Variants in SASH1 observed in about 807,000 individuals in gnomAD.
The protein encoded by SASH1 is SAM and SH3 domain containing 1, also known as SAM and SH3 domain-containing protein 1.
A neutral mutation model predicts 125.2 loss-of-function variants in SASH1; 44 were observed. That is an observed-to-expected ratio of 0.35 (90% CI 0.28 to 0.45). SASH1 has a LOEUF of 0.45. SASH1 is among the 20% of genes least tolerant of loss of function. SASH1 has a pLI of 1.00. For missense variants in SASH1, 1,426 were observed against 1,614.5 expected, an observed-to-expected ratio of 0.88 and a Z score of 2.00; for synonymous variants, 639 against 649.1, an observed-to-expected ratio of 0.98 and a Z score of 0.24.
At chr6:148,249,568 G>A in the SASH1 span, among the ~76,000 whole-genome samples, 1 of 152,162 alleles carries the variant, frequency 6.6e-6, no homozygotes, top group Non-Finnish European at 1.5e-5. Flanking sequence ...CCAGCCATTT[G>A]ACCTTGACCG....
intron 1 of SASH1, among the ~76,000 whole-genome samples, chr6:148,351,225 C>T (rs1027557020): frequency 5.0e-5 from 6 of 121,120 alleles, no homozygotes; most frequent in East Asian, 2.6e-4. Context: ...CTGAAAGGCT[C>T]TTCTATGGCT....
At chr6:148,219,609 A>G in the SASH1 span, among the ~76,000 whole-genome samples, 1 of 152,048 alleles carries the variant, frequency 6.6e-6, no homozygotes, top group Non-Finnish European at 1.5e-5. Context: ...CTGGCTCCAC[A>G]CTTAAGGGGA....
intron 16 of SASH1, among the ~76,000 whole-genome samples, chr6:148,539,884 G>T (rs1198422673): frequency 2.0e-5 from 3 of 152,126 alleles, no homozygotes; most frequent in African/African-American, 7.2e-5. Context: ...GCTAATACAA[G>T]AGCCCTCAGC....
chr6:148,421,087 A>AAAAAG (rs1186104166), intron 2 of SASH1, among the ~76,000 whole-genome samples: 11 of 150,180 alleles, frequency 7.3e-5, no homozygotes, highest in East Asian at 5.9e-4. Flanking sequence ...CTGTCTCCAA[A>AAAAAG]AAAAGAAAAG....
intron 2 of SASH1, among the ~76,000 whole-genome samples, chr6:148,407,199 C>G (rs976642085): frequency 3.9e-5 from 6 of 152,194 alleles, no homozygotes. Flanking sequence ...TTCCGTCCTG[C>G]AAAGCTGAAA....
At chr6:148,492,221 A>G (rs1442420815) in intron 8 of SASH1, among the ~76,000 whole-genome samples, 7 of 152,248 alleles carry the variant, frequency 4.6e-5, no homozygotes, top group African/African-American at 9.6e-5. Context: ...GAAAAAGTTA[A>G]TATAAGTATT....
intron 1 of SASH1, among the ~76,000 whole-genome samples, chr6:148,296,136 G>GTTT (rs927464242): frequency 1.3e-5 from 2 of 151,726 alleles, no homozygotes; most frequent in African/African-American, 4.8e-5. Context: ...TTTTGTTGTT[G>GTTT]TTGTTTTGAG....
intron 4 of SASH1, among the ~76,000 whole-genome samples, chr6:148,453,452 A>T (rs1287123082): frequency 6.6e-6 from 1 of 152,186 alleles, no homozygotes; most frequent in African/African-American, 2.4e-5. Context: ...TATAATGCAG[A>T]TGGTATTCTA....
chr6:148,349,930 C>T (rs1781663287), intron 1 of SASH1, among the ~76,000 whole-genome samples: 1 of 151,536 alleles, frequency 6.6e-6, no homozygotes, highest in South Asian at 2.1e-4. Context: ...GCTGCAAGCT[C>T]CTCCTCCCGG....
Position 148,317,384 on chromosome 6 carries a change from G to A in SASH1, n.74+45007G>A, listed in dbSNP as rs72563830. 0.022 allele frequency among the ~76,000 whole-genome samples: 3,373 copies of A among 152,228 alleles called. 284 individuals carry two copies. In the East Asian group the frequency reaches 0.25, roughly 11 times the overall value. ...CAAAAGAAGTGGTTCCTGAATATTT[G>A]TTATTATTTAGGAGGTTTGAGAAAA... On this transcript the variant is annotated intron_variant and non_coding_transcript_variant, in intron 1 of 3. Coordinates refer to the SASH1 transcript ENST00000367469.
At position 148,537,776 on chromosome 6, in the gene SASH1, C is replaced by CTCTGTG. The variant is rs1179993512; in HGVS notation, c.2096-2666_2096-2665insCTGTGT. 4.0e-5 allele frequency among the ~76,000 whole-genome samples: 5 copies of CTCTGTG among 125,690 alleles called. No individual in the cohort carries two copies. In the South Asian group the frequency reaches 1.6e-3, roughly 41 times the overall value. The allele number at this position is 125,690 out of a possible 152,430, so 82.5% of individuals were successfully genotyped here. On this transcript the variant is annotated intron_variant, in intron 16 of 19. Coordinates refer to ENST00000367467, the MANE Select transcript of SASH1 (RefSeq NM_015278.5). ...ATATTCATAGGTGTCTTAGCATATT[C>CTCTGTG]TGTGTGTGTGTGTGTGTGTGTGTGT...
At chr6:148,300,639 T>C (rs1779914878) in intron 1 of SASH1, among the ~76,000 whole-genome samples, 2 of 151,918 alleles carry the variant, frequency 1.3e-5, no homozygotes, top group Non-Finnish European at 2.9e-5. Flanking sequence ...TTTATATTCT[T>C]ACTGGCTAAT....
At chr6:148,274,894 A>G (rs894734566) in intron 1 of SASH1, among the ~76,000 whole-genome samples, 2 of 152,110 alleles carry the variant, frequency 1.3e-5, no homozygotes, top group African/African-American at 4.8e-5. Context: ...AACCCAGCAC[A>G]TCTTCATTTA....
chr6:148,396,377 C>T lies in SASH1; in HGVS notation c.285+6115C>T, dbSNP rs548432838. 3.5e-5 allele frequency among the ~76,000 whole-genome samples: 5 copies of T among 144,886 alleles called. No individual in the cohort carries two copies. In the East Asian group the frequency reaches 1.1e-3, roughly 31 times the overall value. ...CCTATAATCCCAGCTACTTGGGAGG[C>T]TGAGAAAGGAGAATCGCTTGAACCC... On this transcript the variant is annotated intron_variant, in intron 2 of 19. Coordinates refer to ENST00000367467, the MANE Select transcript of SASH1 (RefSeq NM_015278.5).
intron 4 of SASH1, among the ~76,000 whole-genome samples, chr6:148,455,043 T>A (rs540463160): frequency 1.1e-4 from 16 of 152,218 alleles, no homozygotes; most frequent in Non-Finnish European, 8.8e-5. Flanking sequence ...GCAGTATTGC[T>A]TATTTTATTT....
chr6:148,254,518 C>T, the SASH1 span, among the ~76,000 whole-genome samples: 2 of 152,008 alleles, frequency 1.3e-5, no homozygotes, highest in Non-Finnish European at 2.9e-5. Flanking sequence ...ACAAAATGCC[C>T]ATTAAAAAAT....
chr6:148,223,466 G>C, the SASH1 span, among the ~76,000 whole-genome samples: 1 of 152,168 alleles, frequency 6.6e-6, no homozygotes, highest in Non-Finnish European at 1.5e-5. Context: ...TCAACCAAGA[G>C]GCTTCCGCTG....
chr6:148,339,123 G>A (rs1781251576), upstream of SASH1, among the ~76,000 whole-genome samples: 1 of 152,066 alleles, frequency 6.6e-6, no homozygotes, highest in Admixed American at 6.6e-5. Flanking sequence ...CTTGGGAGTG[G>A]TAATCAGATC....
chr6:148,390,916 T>C (rs946910640), intron 2 of SASH1, among the ~76,000 whole-genome samples: 4 of 152,168 alleles, frequency 2.6e-5, no homozygotes, highest in Non-Finnish European at 5.9e-5. Context: ...TAATTTTTTT[T>C]CCAGCTTTCG....
Sources: allele counts gnomAD v4.1 joint callset (sites outside exome capture counted in the v4.1 genomes callset), GRCh38; gene constraint gnomAD v4.1.1; transcripts MANE v1.5; gene names NCBI Gene and HGNC (gene_info 2026-07-23, HGNC 2026-07-21).